TANC1: variants seen among roughly 807,000 people sequenced by gnomAD.
TANC1 encodes the protein protein TANC1.
TANC1 carries 77 observed loss-of-function variants against 149.7 expected under a neutral mutation model. The ratio of observed to expected loss-of-function variants is 0.51; its 90% CI spans 0.43 to 0.62. The LOEUF (loss-of-function observed/expected upper bound fraction) is 0.62. Ranked by LOEUF, TANC1 falls within the 20% of genes least tolerant of loss-of-function variation. TANC1 has a pLI of 0.00. For missense variants in TANC1, 1,985 were observed against 2,321.8 expected (o/e 0.85, Z 2.98); for synonymous variants, 854 against 925.0 (o/e 0.92, Z 1.39).
At chr2:159,219,460 G>A in intron 21 of TANC1, 99 bp downstream of exon 21, 1 of 1,541,982 alleles carries the variant, frequency 6.5e-7, no homozygotes. Flanking sequence ...TAAGTTTTCT[G>A]TTAATGGAAA....
chr2:159,011,736 A>G (rs953324443), intron 2 of TANC1, among the ~76,000 whole-genome samples: 2 of 152,160 alleles, frequency 1.3e-5, no homozygotes, highest in African/African-American at 4.8e-5. Context: ...AACTAATATC[A>G]GAGACTTTGA....
At chr2:159,009,334 C>T (rs74506215) in intron 2 of TANC1, among the ~76,000 whole-genome samples, 2,868 of 152,158 alleles carry the variant, frequency 0.019, 39 homozygotes, top group Middle Eastern at 0.071. Context: ...CAGCCCTGTT[C>T]GCAGTAGTCA....
At chr2:159,083,270 A>T (rs1268719815) in intron 3 of TANC1, among the ~76,000 whole-genome samples, 4 of 150,184 alleles carry the variant, frequency 2.7e-5, no homozygotes, top group Non-Finnish European at 4.4e-5. Context: ...TTTTTTTTTT[A>T]AATAACAATT....
chr2:159,218,954 G>A (rs528296822), intron 20 of TANC1, among the ~76,000 whole-genome samples: 176 of 152,284 alleles, frequency 1.2e-3, no homozygotes, highest in South Asian at 3.5e-3. Context: ...TGTAGATAGT[G>A]ATTGGCATCC....
chr2:159,194,615 C>T (rs1280231563), intron 17 of TANC1, 122 bp downstream of exon 17: 16 of 888,456 alleles, frequency 1.8e-5, no homozygotes, highest in Admixed American at 8.0e-5. Flanking sequence ...CAGAAAGGGT[C>T]GGGCTCCAGG....
At chr2:159,022,897 G>A (rs1405131122) in intron 2 of TANC1, among the ~76,000 whole-genome samples, 1 of 152,086 alleles carries the variant, frequency 6.6e-6, no homozygotes, top group South Asian at 2.1e-4. Flanking sequence ...ATGACTTTGG[G>A]CTAGGTCTTG....
At chr2:159,031,344 GCCAGGCCTGGATGT>G (rs906056981) in intron 2 of TANC1, among the ~76,000 whole-genome samples, 4 of 152,218 alleles carry the variant, frequency 2.6e-5, no homozygotes, top group African/African-American at 7.2e-5. Flanking sequence ...AAAACAACAG[GCCAGGCCTGGATGT>G]CCTGACAGCC....
At chr2:159,190,364 G>A (rs2057351591) in intron 16 of TANC1, among the ~76,000 whole-genome samples, 2 of 152,142 alleles carry the variant, frequency 1.3e-5, no homozygotes, top group Admixed American at 1.3e-4. Context: ...CCTGTGGCTA[G>A]CAGAGTCTGG....
chr2:159,210,691 C>T (rs1328284944), intron 19 of TANC1, among the ~76,000 whole-genome samples: 1 of 151,888 alleles, frequency 6.6e-6, no homozygotes, highest in East Asian at 1.9e-4. Flanking sequence ...CTCAGCTTTC[C>T]CGAGTAGCTG....
chr2:159,147,020 G>A (rs2052200675), intron 5 of TANC1, among the ~76,000 whole-genome samples: 1 of 152,146 alleles, frequency 6.6e-6, no homozygotes, highest in Non-Finnish European at 1.5e-5. Context: ...CTGGGGTGTT[G>A]CGGTCCCCCT....
At chr2:159,147,980 G>A (rs1453701653) in intron 5 of TANC1, 3 of 152,218 alleles carry the variant, frequency 2.0e-5, no homozygotes, top group Non-Finnish European at 4.4e-5. Context: ...TACAAAAGGC[G>A]AAGTGAGCAT....
Position 159,176,366 on chromosome 2 carries a change from G to T in TANC1, c.1750G>T (p.Glu584Ter). Residue 584 changes from glutamate to a stop codon, truncating the protein, a stop_gained, in exon 13 of 27, where the codon GAA becomes TAA. Coordinates refer to ENST00000263635, the MANE Select transcript of TANC1 (RefSeq NM_033394.3). LOFTEE classifies it high-confidence loss of function. ...TNLRNEQKIP[E>*]EEYIILIDGL... ...TTATCCTGTAGAGCAGAAAATTCCTGAAGAAGAATACATTATTTTGATAGA... is the reference window on the plus strand; with the variant it reads ...TTATCCTGTAGAGCAGAAAATTCCTTAAGAAGAATACATTATTTTGATAGA... The T allele has an allele frequency of 6.5e-7, 1 of 1,540,896 alleles. No individual in the cohort carries two copies. The highest frequency in any genetic ancestry group is 8.7e-7 in the Non-Finnish European group (1 of 1,146,356).
At chr2:159,105,676 C>A (rs547262569) in intron 4 of TANC1, among the ~76,000 whole-genome samples, 2 of 152,238 alleles carry the variant, frequency 1.3e-5, no homozygotes, top group East Asian at 3.9e-4. Flanking sequence ...TTTGCCCATT[C>A]CCCCAGCATT....
chr2:159,227,626 T>G (rs1349168836), intron 24 of TANC1, 193 bp from the exon 25 acceptor site: 1 of 602,268 alleles, frequency 1.7e-6, no homozygotes, highest in African/African-American at 1.9e-5. Context: ...CGGGTGCATG[T>G]GAGGACAGTG....
At chr2:159,010,723 C>CT (rs35513612) in intron 2 of TANC1, among the ~76,000 whole-genome samples, 34,409 of 132,228 alleles carry the variant, frequency 0.26, 5,293 homozygotes, top group Non-Finnish European at 0.38. Flanking sequence ...GAATGAAAGG[C>CT]TTTTTTTTTT....
At chr2:159,228,381 C>T (rs897796482) in intron 25 of TANC1, 15 of 257,640 alleles carry the variant, frequency 5.8e-5, no homozygotes, top group African/African-American at 3.1e-4. Flanking sequence ...GTGGGGAACT[C>T]ATAGTCGATT....
At position 159,003,893 on chromosome 2, in the gene TANC1, G is replaced by C. The variant is rs1251110127; in HGVS notation, c.-16+2704G>C. Reference sequence around the variant, plus strand: ...ACTTCAGGCTCAGGTCCAGATAGGGGGCAAGGATACAGCTCGCAGAAAGAA... The same window carrying C: ...ACTTCAGGCTCAGGTCCAGATAGGGCGCAAGGATACAGCTCGCAGAAAGAA... On this transcript the variant is annotated intron_variant, in intron 2 of 26. Coordinates refer to ENST00000263635, the MANE Select transcript of TANC1 (RefSeq NM_033394.3). The C allele has an allele frequency of 1.9e-6, 3 of 1,612,620 alleles. No homozygotes were observed. The African/African-American group carries it at 4.0e-5, about 22-fold the overall frequency.
rs1487634727 is a variant in TANC1 at position 159,230,010 on chromosome 2, C to T, written c.4584C>T (p.Ser1528=). The change falls in exon 27 of 27, where the codon TCC becomes TCT. Residue 1528 remains serine, a synonymous_variant. Transcript: ENST00000263635. The surrounding 1 kb of genome is among the most constrained non-coding windows in gnomAD (Gnocchi z 4.4). ...VAQPGLLLQP[S]KQAQIVKTSQ... ...AGCCAGGGCTGCTCCTGCAGCCCTC[C>T]AAGCAGGCCCAGATCGTGAAAACCA... is the stretch of plus-strand genomic sequence containing the variant. 1 of 1,614,062 alleles carries T rather than the reference C, an allele frequency of 6.2e-7. No individual in the cohort carries two copies. The highest frequency in any genetic ancestry group is 8.5e-7 in the Non-Finnish European group (1 of 1,180,040).
chr2:159,134,829 C>T (rs751911771), intron 4 of TANC1, among the ~76,000 whole-genome samples: 3 of 151,130 alleles, frequency 2.0e-5, no homozygotes, highest in Non-Finnish European at 4.4e-5. Context: ...ACTGTGTTGC[C>T]CAGGCTTGTC....
Sources: gnomAD v4.1 joint callset for allele counts (sites outside exome capture counted in the v4.1 genomes callset) on GRCh38, gnomAD v4.1.1 for gene constraint, Gnocchi (gnomAD v3.1) non-coding constraint, MANE v1.5 for transcripts, NCBI Gene and HGNC (gene_info 2026-07-23, HGNC 2026-07-21) for gene names.